Variants in ACP6 observed in about 807,000 individuals in gnomAD.
The protein encoded by ACP6 is acid phosphatase 6, lysophosphatidic.
A neutral mutation model predicts 48.1 loss-of-function variants in ACP6; 48 were observed. That is an observed-to-expected ratio of 1.00 (90% CI 0.79 to 1.27). The LOEUF is 1.27. Ranked by LOEUF, ACP6 falls within the 50% of genes most tolerant of loss-of-function variation. The probability of loss-of-function intolerance (pLI) is 0.00; values close to 1 mark genes in which losing one functional copy is unlikely to be tolerated. For synonymous variants in ACP6, 172 were observed against 204.2 expected (o/e 0.84, Z 1.34); for missense variants, 485 against 529.1 (o/e 0.92, Z 0.82).
downstream of ACP6, among the ~76,000 whole-genome samples, chr1:147,641,815 G>A (rs782805549): frequency 6.6e-6 from 1 of 152,198 alleles, no homozygotes; most frequent in South Asian, 2.1e-4. Context: ...CCAGGGTTCT[G>A]TACAAATCTC....
In ACP6 at chr1:147,670,012, G is replaced by C. The variant is rs1326775703; in HGVS notation, c.37C>G (p.Pro13Ala). 33 of 1,545,044 alleles carry C rather than the reference G, an allele frequency of 2.1e-5. No homozygotes were observed. Among genetic ancestry groups the C allele is most frequent in the Non-Finnish European group, 2.8e-5 (32 of 1,144,200 alleles). Reference protein sequence around the residue: ...TGVFSMRLWTPVGVLTSLAYC... With the variant: ...TGVFSMRLWTAVGVLTSLAYC... ...GCCAGCGAGGTCAGGACGCCCACTG[G>C]GGTCCACAAGCGCATGCTGAACACA... Residue 13 changes from proline (P) to alanine (A), a missense_variant, in exon 1 of 10, where the codon CCA (proline) becomes GCA (alanine). Pro to Ala is a conservative substitution (Grantham distance 27). Coordinates refer to ENST00000583509, the MANE Select transcript of ACP6 (RefSeq NM_016361.5).
chr1:147,641,627 G>A (rs1454324191), downstream of ACP6, among the ~76,000 whole-genome samples: 6 of 152,230 alleles, frequency 3.9e-5, no homozygotes, highest in Admixed American at 3.9e-4. Flanking sequence ...CTTAGAGAAA[G>A]GAGTCAAGGC....
chr1:147,638,706 CCATA>C (rs1659363247), downstream of ACP6, among the ~76,000 whole-genome samples: 1 of 152,096 alleles, frequency 6.6e-6, no homozygotes, highest in Non-Finnish European at 1.5e-5. Context: ...AGTATCCAGC[CCATA>C]CATACCCATC....
In ACP6 at chr1:147,667,788, G is replaced by T. The variant is rs190962695; in HGVS notation, c.219+2042C>A. ...AGGCGGATCATGAGATCAAGATATC[G>T]AGACCATCCTGGCCAACATGATGAA... On this transcript the variant is annotated intron_variant, in intron 1 of 9. Coordinates refer to ENST00000583509, the MANE Select transcript of ACP6 (RefSeq NM_016361.5). 8.8e-3 allele frequency among the ~76,000 whole-genome samples: 1,345 copies of T among 152,070 alleles called. 14 individuals are homozygous for T. The highest frequency in any genetic ancestry group is 0.015 in the Non-Finnish European group (1,011 of 68,006).
intron 1 of ACP6, among the ~76,000 whole-genome samples, chr1:147,666,114 A>G (rs1419572733): frequency 1.3e-5 from 2 of 152,224 alleles, no homozygotes; most frequent in African/African-American, 4.8e-5. Flanking sequence ...TTTACTTACT[A>G]TAGGTGGGCC....
chr1:147,656,228 G>C (rs587736815), intron 4 of ACP6, among the ~76,000 whole-genome samples: 2 of 152,338 alleles, frequency 1.3e-5, no homozygotes, highest in East Asian at 3.9e-4. Context: ...CTTCAGTCCA[G>C]AACTAACCAG....
chr1:147,669,359 C>G (rs1476302696), intron 1 of ACP6, among the ~76,000 whole-genome samples: 2 of 152,198 alleles, frequency 1.3e-5, no homozygotes, highest in Admixed American at 6.5e-5. Flanking sequence ...GCAACGACCT[C>G]TTATCCACTG....
intron 4 of ACP6, among the ~76,000 whole-genome samples, chr1:147,655,481 T>A (rs1469765107): frequency 1.3e-5 from 2 of 152,178 alleles, no homozygotes; most frequent in East Asian, 3.9e-4. Context: ...CCTTGTTCTG[T>A]CTAGCGCAAG....
At chr1:147,647,898 C>T (rs1659705893) in intron 9 of ACP6, 1 of 488,752 alleles carries the variant, frequency 2.0e-6, no homozygotes, top group East Asian at 3.5e-5. Flanking sequence ...CGGGTGCTAA[C>T]AGCAGCACAC....
At chr1:147,650,072 G>T in intron 8 of ACP6, 71 bp downstream of exon 8, 1 of 1,343,732 alleles carries the variant, frequency 7.4e-7, no homozygotes, top group Non-Finnish European at 1.0e-6. Context: ...ACTAAGATTT[G>T]GGTTCCCTCC....
chr1:147,637,958 G>A (rs182409555), downstream of ACP6, among the ~76,000 whole-genome samples: 7 of 152,122 alleles, frequency 4.6e-5, no homozygotes, highest in Admixed American at 1.3e-4. Flanking sequence ...TGAAAAAAAC[G>A]TGTCCAACAG....
intron 7 of ACP6, chr1:147,650,574 G>A (rs2148904575): frequency 4.4e-6 from 1 of 229,532 alleles, no homozygotes; most frequent in Non-Finnish European, 8.4e-6. Context: ...CTGACAAGCT[G>A]GGAAGAAGAA....
intron 3 of ACP6, 115 bp downstream of exon 3, chr1:147,659,281 A>C: frequency 7.1e-7 from 1 of 1,417,962 alleles, no homozygotes; most frequent in Non-Finnish European, 9.6e-7. Context: ...CAGCATGACA[A>C]GTTGTCCCCC....
In ACP6 at chr1:147,644,435, C is replaced by T. The variant is rs1320378476; in HGVS notation, c.*2988G>A. 6.6e-6 allele frequency: 1 copy of T among 152,146 alleles called. No individual in the cohort carries two copies. The highest frequency in any genetic ancestry group is 1.5e-5 in the Non-Finnish European group (1 of 68,044). The allele number at this position is 152,146 out of a possible 1,614,324, so 9.4% of individuals were successfully genotyped here. A position where few individuals can be genotyped will look rare whatever the true frequency, so the allele number is the denominator to read the frequency against. ...TGGCCCTTAGTTTGAGATGAGAAAC[C>T]AATGGGGAATTTAGAGCAGAAGAGT... On this transcript the variant is annotated 3_prime_UTR_variant, in exon 10 of 10. Coordinates refer to ENST00000583509, the MANE Select transcript of ACP6 (RefSeq NM_016361.5).
intron 6 of ACP6, 33 bp from the exon 7 acceptor site, chr1:147,652,582 T>A: frequency 6.2e-7 from 1 of 1,613,702 alleles, no homozygotes; most frequent in African/African-American, 1.3e-5. Context: ...TAGAAAAAAA[T>A]GCTTCTTACC....
chr1:147,670,164 C>T lies in ACP6; in HGVS notation c.-116G>A. The T allele has an allele frequency of 1.0e-6, 1 of 967,920 alleles. No individual in the cohort carries two copies. Among genetic ancestry groups the T allele is most frequent in the Non-Finnish European group, 1.5e-6 (1 of 676,022 alleles). 60.0% of individuals were successfully genotyped at this position (967,920 alleles called of 1,614,324 possible). A position where few individuals can be genotyped will look rare whatever the true frequency, so the allele number is the denominator to read the frequency against. On this transcript the variant is annotated 5_prime_UTR_variant, in exon 1 of 10. An upstream start codon of the reference 5' UTR is lost. Coordinates refer to ENST00000583509, the MANE Select transcript of ACP6 (RefSeq NM_016361.5). ...GTCCGCGGGAACCTGCGGATGCGTACATCCAGCCCTTCAGCAAGCAGGGAC... is the reference window on the plus strand; with the variant it reads ...GTCCGCGGGAACCTGCGGATGCGTATATCCAGCCCTTCAGCAAGCAGGGAC...
At chr1:147,651,375 A>G (rs1659908000) in intron 7 of ACP6, 1 of 152,226 alleles carries the variant, frequency 6.6e-6, no homozygotes, top group South Asian at 2.1e-4. Context: ...AACAAATTTT[A>G]CTGGCACACA....
At chr1:147,633,156 T>G (rs1459983090) in intron 5 of ACP6, among the ~76,000 whole-genome samples, 1 of 152,222 alleles carries the variant, frequency 6.6e-6, no homozygotes, top group African/African-American at 2.4e-5. Context: ...ATCAGGCTTC[T>G]TTTAGTTTTT....
rs1553209655 is a variant in ACP6, at chr1:147,647,527, G to C, written c.1183C>G (p.Leu395Val). The change falls in exon 10 of 10, where the codon CTG becomes GTG. Residue 395 changes from leucine (L) to valine (V), a missense_variant. Coordinates refer to ENST00000583509, the MANE Select transcript of ACP6 (RefSeq NM_016361.5). ...GACATGGCATTCAAGAACATGTCCA[G>C]CGGGCAGAGCCCATCAGGGCAACCT... is the stretch of plus-strand genomic sequence containing the variant. Reference protein sequence around the residue: ...PRGCPDGLCPLDMFLNAMSVY... With the variant: ...PRGCPDGLCPVDMFLNAMSVY... The C allele has an allele frequency of 2.5e-6, 4 of 1,613,906 alleles. No homozygotes were observed. The highest frequency in any genetic ancestry group is 3.4e-6 in the Non-Finnish European group (4 of 1,180,010).
Sources: allele counts gnomAD v4.1 joint callset (sites outside exome capture counted in the v4.1 genomes callset), GRCh38; gene constraint gnomAD v4.1.1; transcripts MANE v1.5; gene names NCBI Gene and HGNC (gene_info 2026-07-23, HGNC 2026-07-21).